Variants in ABCC4 observed in about 807,000 individuals in gnomAD.
ABCC4 encodes the protein ATP-binding cassette sub-family C member 4.
Under a neutral mutation model 168.5 loss-of-function variants are expected in ABCC4, and 102 were observed. That is an observed-to-expected ratio of 0.61 (90% CI 0.52 to 0.71). The LOEUF (loss-of-function observed/expected upper bound fraction) is 0.71. Among genes scored for constraint, ABCC4 ranks in the 30% least tolerant of loss-of-function variants. The pLI, the probability that ABCC4 is intolerant of heterozygous loss-of-function variation, is 0.00. For synonymous variants in ABCC4, 617 were observed against 590.7 expected (o/e 1.04, Z -0.65); for missense variants, 1,402 against 1,605.8 (o/e 0.87, Z 2.17).
At chr13:95,171,133 A>C (rs986008207) in intron 13 of ABCC4, among the ~76,000 whole-genome samples, 4 of 150,252 alleles carry the variant, frequency 2.7e-5, no homozygotes, top group African/African-American at 9.8e-5. Context: ...TTCAAAAATA[A>C]TACTAGATAC....
intron 9 of ABCC4, among the ~76,000 whole-genome samples, chr13:95,190,634 A>G (rs1242097622): frequency 6.6e-6 from 1 of 152,250 alleles, no homozygotes; most frequent in Non-Finnish European, 1.5e-5. Context: ...TAGAACCTCA[A>G]CCGTAAAAAC....
Position 95,183,226 on chromosome 13 carries a change from A to T in ABCC4, c.1545+3475T>A, listed in dbSNP as rs2037955364. ...CCTGGCATGTTTGCATTTTACAGAC[A>T]TTGCCTGCAGTCTTTATAATCCTGC... On this transcript the variant is annotated intron_variant, in intron 11 of 30. Coordinates refer to ENST00000645237, the MANE Select transcript of ABCC4 (RefSeq NM_005845.5). Among the ~76,000 whole-genome samples the T allele has an allele frequency of 2.6e-5, 4 of 152,300 alleles. No homozygotes were observed. In the South Asian group the frequency reaches 8.3e-4, roughly 32 times the overall value.
intron 1 of ABCC4, among the ~76,000 whole-genome samples, chr13:95,287,991 G>A (rs1267415664): frequency 1.3e-5 from 2 of 149,636 alleles, no homozygotes; most frequent in East Asian, 4.0e-4. Flanking sequence ...GCAGTGAGCC[G>A]AAATCGCACC....
intron 3 of ABCC4, 51 bp downstream of exon 3, chr13:95,246,924 A>G: frequency 6.3e-7 from 1 of 1,592,340 alleles, no homozygotes. Flanking sequence ...TGGCGAGCAC[A>G]TTTACTCTAT....
chr13:95,130,456 T>C (rs2035921362), intron 19 of ABCC4, among the ~76,000 whole-genome samples: 1 of 152,216 alleles, frequency 6.6e-6, no homozygotes. Flanking sequence ...GTGTATTTAT[T>C]TGTCAGCTAC....
At chr13:95,025,985 G>A (rs913557275) in intron 30 of ABCC4, among the ~76,000 whole-genome samples, 9 of 152,124 alleles carry the variant, frequency 5.9e-5, no homozygotes, top group Non-Finnish European at 1.2e-4. Context: ...GGGAGGCTGA[G>A]GTGGGAGGAT....
At chr13:95,055,900 C>CA (rs35705143) in intron 26 of ABCC4, 40,621 of 146,930 alleles carry the variant, frequency 0.28, 5,727 homozygotes, top group African/African-American at 0.33. Context: ...GCAACAACAG[C>CA]AAAAAAAAAA....
chr13:95,242,426 C>A (rs944432688), intron 3 of ABCC4, among the ~76,000 whole-genome samples: 3 of 152,138 alleles, frequency 2.0e-5, no homozygotes, highest in African/African-American at 7.2e-5. Flanking sequence ...TGGGGTTTCA[C>A]CAGGTTGGTC....
intron 20 of ABCC4, among the ~76,000 whole-genome samples, chr13:95,091,765 A>AC (rs397706012): frequency 1.3e-5 from 2 of 151,974 alleles, no homozygotes; most frequent in Admixed American, 6.6e-5. Flanking sequence ...AACAAAAAAA[A>AC]CACAAAGTAC....
At chr13:95,040,229 G>A (rs1399250623) in intron 29 of ABCC4, among the ~76,000 whole-genome samples, 1 of 152,148 alleles carries the variant, frequency 6.6e-6, no homozygotes, top group Non-Finnish European at 1.5e-5. Flanking sequence ...TATTCTCCCA[G>A]TGTGTTCATT....
chr13:95,131,657 G>A (rs917189833), intron 19 of ABCC4, among the ~76,000 whole-genome samples: 1 of 152,014 alleles, frequency 6.6e-6, no homozygotes, highest in South Asian at 2.1e-4. Context: ...AAAAAGAGTT[G>A]CCCAAAGATG....
At chr13:95,166,995 T>C (rs2037296780) in intron 14 of ABCC4, among the ~76,000 whole-genome samples, 1 of 151,984 alleles carries the variant, frequency 6.6e-6, no homozygotes. Flanking sequence ...GAGACTAGCC[T>C]GGCCAACATG....
At chr13:95,242,373 G>GC (rs2138787198) in intron 3 of ABCC4, among the ~76,000 whole-genome samples, 1 of 151,696 alleles carries the variant, frequency 6.6e-6, no homozygotes, top group Non-Finnish European at 1.5e-5. Context: ...GATTACAGGC[G>GC]CCCACCACCA....
Position 95,075,550 on chromosome 13 carries a change from A to G in ABCC4, c.2688T>C (p.Thr896=). 1.9e-6 allele frequency: 3 copies of G among 1,614,062 alleles called. No individual in the cohort carries two copies. The highest frequency in any genetic ancestry group is 2.5e-6 in the Non-Finnish European group (3 of 1,179,962). Residue 896 remains threonine, a splice_region_variant and synonymous_variant, in exon 22 of 31, where the codon ACT becomes ACC. Transcript: ENST00000645237. ...ATAAGTGGGAAAACACTGGACTCCG[A>G]GCTGGGGAAACAGACAGAGAAAACA... ...SRDVKRLEST[T]RSPVFSHLSS...
chr13:95,200,491 C>T (rs573516490), intron 8 of ABCC4, among the ~76,000 whole-genome samples: 4 of 152,148 alleles, frequency 2.6e-5, no homozygotes, highest in South Asian at 2.1e-4. Context: ...GGGAGGCCGA[C>T]GCGGGTGGAT....
rs1007344723 is a variant in ABCC4, at chr13:95,206,444, T to G, written c.1161+88A>C. On this transcript the variant is annotated intron_variant, in intron 8 of 30. Transcript: ENST00000645237. ...TGGTTATGAGAGAGTTAAATGTCAT[T>G]ACACTGGAACATAGTGATGCTAAAT... 2.7e-4 allele frequency: 410 copies of G among 1,529,508 alleles called. 3 individuals carry two copies. Among genetic ancestry groups the G allele is most frequent in the South Asian group, 2.2e-3 (175 of 81,170 alleles). 94.7% of individuals were successfully genotyped at this position (1,529,508 alleles called of 1,614,324 possible).
In ABCC4 at chr13:95,032,084, A is replaced by G. The variant is rs576092867; in HGVS notation, c.3870+2521T>C. Among the ~76,000 whole-genome samples, 111 of 152,338 alleles carry G rather than the reference A, an allele frequency of 7.3e-4. 1 individual carries two copies. In the Middle Eastern group the frequency reaches 0.02, roughly 28 times the overall value. ...TTGGCTGGGAGACACGCTAGAAGAT[A>G]AAAGTATTCTGTAAATTTCAAGTAT... On this transcript the variant is annotated intron_variant, in intron 30 of 30. Transcript: ENST00000645237.
chr13:95,263,491 C>T (rs7986087), intron 1 of ABCC4, among the ~76,000 whole-genome samples: 14,482 of 151,950 alleles, frequency 0.095, 1,491 homozygotes, highest in African/African-American at 0.25. Context: ...TAGCTTTGTC[C>T]GCTTAGAGTT....
intron 13 of ABCC4, among the ~76,000 whole-genome samples, chr13:95,173,516 T>C (rs1275476458): frequency 6.6e-6 from 1 of 152,140 alleles, no homozygotes; most frequent in Non-Finnish European, 1.5e-5. Flanking sequence ...AAAATACCCT[T>C]ACAGACAGGC....
Sources: allele counts gnomAD v4.1 joint callset (sites outside exome capture counted in the v4.1 genomes callset), GRCh38; gene constraint gnomAD v4.1.1; transcripts MANE v1.5; gene names NCBI Gene and HGNC (gene_info 2026-07-23, HGNC 2026-07-21).